SPOUT1: variants seen among roughly 807,000 people sequenced by gnomAD.
SPOUT1 encodes the protein SPOUT domain containing methyltransferase 1.
A neutral mutation model predicts 54.8 loss-of-function variants in SPOUT1; 40 were observed. The observed-to-expected ratio is 0.73, with a 90% CI of 0.57 to 0.95. The LOEUF is 0.95. SPOUT1 is among the 40% of genes least tolerant of loss of function. The pLI, the probability that SPOUT1 is intolerant of heterozygous loss-of-function variation, is 0.00. For synonymous variants in SPOUT1, 193 were observed against 200.3 expected, an observed-to-expected ratio of 0.96 and a Z score of 0.31; for missense variants, 437 against 499.5, an observed-to-expected ratio of 0.87 and a Z score of 1.19.
rs1259499101 is a variant in SPOUT1 at position 128,827,043 on chromosome 9, G to A, written c.357C>T (p.Gly119=). The A allele has an allele frequency of 4.3e-6, 7 of 1,613,818 alleles. No homozygotes were observed. Among genetic ancestry groups the A allele is most frequent in the East Asian group, 2.2e-5 (1 of 44,900 alleles). Residue 119 remains glycine, a synonymous_variant, in exon 4 of 12, where the codon GGC becomes GGT. Transcript: ENST00000361256. The part of the protein sequence containing the change: ...VDEIVVFDEE[G]QDAKTVEGEF... ...GGATGGCCCCTTACTTGGCATCCTG[G>A]CCCTCCTCATCAAACACCACGATCT...
chr9:128,826,149 A>T lies in SPOUT1; in HGVS notation c.512T>A (p.Leu171His). ...PKHQDLQFAGLLNPLDSPHHM... is the reference protein window; with the variant it reads ...PKHQDLQFAGHLNPLDSPHHM... ...GTGGGGGCTGTCCAGGGGGTTCAGG[A>T]GCCCTGTGGAGGCAGAGCCGGGAAG... The change falls in exon 7 of 12, where the codon CTC (leucine) becomes CAC (histidine). Residue 171 changes from leucine (L) to histidine (H), a missense_variant. Physicochemically the swap from Leu to His is moderately conservative, Grantham distance 99. Transcript: ENST00000361256. The surrounding 1 kb of genome is among the most constrained non-coding windows in gnomAD (Gnocchi z 5.5). The T allele has an allele frequency of 6.2e-7, 1 of 1,604,160 alleles. No individual in the cohort carries two copies.
Position 128,826,115 on chromosome 9 carries a change from AC to A in SPOUT1, c.545del (p.Arg182LeufsTer30). ...LNPLDSPHHM[R>X]QDEESEFREG... ...CTCGGAACTCGGATTCCTCATCCTG[AC>A]GCATGTGGTGGGGGCTGTCCAGGGG... On this transcript the variant is annotated frameshift_variant, in exon 7 of 12. Coordinates refer to ENST00000361256, the MANE Select transcript of SPOUT1 (RefSeq NM_016390.4). LOFTEE classifies it high-confidence loss of function. The surrounding 1 kb of genome is among the most constrained non-coding windows in gnomAD (Gnocchi z 5.5). 3 of 1,612,754 alleles carry A rather than the reference AC, an allele frequency of 1.9e-6. No individual in the cohort carries two copies. Among genetic ancestry groups the A allele is most frequent in the Non-Finnish European group, 2.5e-6 (3 of 1,179,296 alleles).
Position 128,820,963 on chromosome 9 carries a change from T to C in SPOUT1, c.*1802A>G, listed in dbSNP as rs376033107. On this transcript the variant is annotated 3_prime_UTR_variant, in exon 12 of 12. Transcript: ENST00000361256. ...GGTCAATACCAGTTCCCTACTCATC[T>C]GGTTTCTTGGCAAGCCTGTCAGCTT... 1.1e-4 allele frequency: 100 copies of C among 916,538 alleles called. 2 individuals are homozygous for C. The East Asian group carries it at 2.3e-3, about 21-fold the overall frequency. 56.8% of individuals were successfully genotyped at this position (916,538 alleles called of 1,614,324 possible).
At position 128,825,023 on chromosome 9, in the gene SPOUT1, C is replaced by T. The variant is rs139689423; in HGVS notation, c.666G>A (p.Glu222=). The change falls in exon 8 of 12, where the codon GAG becomes GAA. Residue 222 remains glutamate, a synonymous_variant. Coordinates refer to ENST00000361256, the MANE Select transcript of SPOUT1 (RefSeq NM_016390.4). ...KKEVKIDKNL[E]PGLRVTVRLN... ...GTCGCACAGTCACCCGAAGCCCGGG[C>T]TCCAGGTTCTTGTCAATCTTCACCT... 228 of 1,577,884 alleles carry T rather than the reference C, an allele frequency of 1.4e-4. No individual in the cohort carries two copies. The Middle Eastern group carries it at 2.1e-3, about 14-fold the overall frequency.
In SPOUT1 at chr9:128,829,736, C is replaced by A. The variant is rs900037101; in HGVS notation, c.36+9G>T. 3 of 1,597,442 alleles carry A rather than the reference C, an allele frequency of 1.9e-6. No homozygotes were observed. Among genetic ancestry groups the A allele is most frequent in the East Asian group, 2.3e-5 (1 of 44,184 alleles). Reference sequence around the variant, plus strand: ...CTGCCCTGCACGGGGTCCCGCCGCCCGCACTTACCGGGCCGCACGGCCGCT... The same window carrying A: ...CTGCCCTGCACGGGGTCCCGCCGCCAGCACTTACCGGGCCGCACGGCCGCT... On this transcript the variant is annotated intron_variant, in intron 1 of 11. Transcript: ENST00000361256.
In SPOUT1 at chr9:128,824,871, T is replaced by C; in HGVS notation, c.713-2A>G. ...CTTTGCCATGGTAGGTCTTGCAGTC[T>C]GGAGGGGTAACAGAGTCTGTAAAGA... is the stretch of plus-strand genomic sequence containing the variant. On this transcript the variant is annotated splice_acceptor_variant, in intron 8 of 11. Coordinates refer to ENST00000361256, the MANE Select transcript of SPOUT1 (RefSeq NM_016390.4). LOFTEE classifies it high-confidence loss of function. 6.2e-7 allele frequency: 1 copy of C among 1,612,642 alleles called. No homozygotes were observed. The highest frequency in any genetic ancestry group is 8.5e-7 in the Non-Finnish European group (1 of 1,178,690).
rs1830115991 is a variant in SPOUT1, at chr9:128,821,415, G to A, written c.*1350C>T. The A allele has an allele frequency of 6.2e-6, 1 of 160,112 alleles. No homozygotes were observed. The highest frequency in any genetic ancestry group is 1.4e-5 in the Non-Finnish European group (1 of 73,662). The allele number at this position is 160,112 out of a possible 1,614,324, so 9.9% of individuals were successfully genotyped here. A position where few individuals can be genotyped will look rare whatever the true frequency, so the allele number is the denominator to read the frequency against. On this transcript the variant is annotated 3_prime_UTR_variant, in exon 12 of 12. Transcript: ENST00000361256. ...CCCATGCAGGTCCCCAGTGCACCGA[G>A]CTCTCATGCCTTCCCCCTGCAGGTC...
At chr9:128,825,129 G>A (rs1830213838) in intron 7 of SPOUT1, 80 bp from the exon 8 acceptor site, 1 of 1,118,664 alleles carries the variant, frequency 8.9e-7, no homozygotes, top group Non-Finnish European at 1.3e-6. Flanking sequence ...GCCACCAGGG[G>A]AGCCCCGGGG....
At chr9:128,823,549 C>T (rs112458376) in intron 11 of SPOUT1, among the ~76,000 whole-genome samples, 198 bp downstream of exon 11, 1,876 of 152,212 alleles carry the variant, frequency 0.012, 38 homozygotes, top group African/African-American at 0.042. Context: ...GAGCACAGGA[C>T]GGGCACTAGC....
Position 128,822,272 on chromosome 9 carries a change from G to A in SPOUT1, c.*493C>T. Reference sequence around the variant, plus strand: ...AGATCAGGGAAGGCTGCCTGGAAGAGGTGGCTTTGGGTTCATCCAGGCCCC... The same window carrying A: ...AGATCAGGGAAGGCTGCCTGGAAGAAGTGGCTTTGGGTTCATCCAGGCCCC... On this transcript the variant is annotated 3_prime_UTR_variant, in exon 12 of 12. Coordinates refer to ENST00000361256, the MANE Select transcript of SPOUT1 (RefSeq NM_016390.4). 6.3e-7 allele frequency: 1 copy of A among 1,578,472 alleles called. No individual in the cohort carries two copies. Among genetic ancestry groups the A allele is most frequent in the East Asian group, 2.2e-5 (1 of 44,494 alleles).
intron 10 of SPOUT1, 67 bp downstream of exon 10, chr9:128,824,005 T>C: frequency 6.3e-7 from 1 of 1,579,204 alleles, no homozygotes; most frequent in Non-Finnish European, 8.7e-7. Flanking sequence ...TCTGTGCAGC[T>C]TCACCCACCA....
Position 128,821,082 on chromosome 9 carries a change from C to G in SPOUT1, c.*1683G>C, listed in dbSNP as rs1369598208. 1.1e-5 allele frequency: 6 copies of G among 564,702 alleles called. No homozygotes were observed. The highest frequency in any genetic ancestry group is 1.9e-5 in the Non-Finnish European group (6 of 315,562). 35.0% of individuals were successfully genotyped at this position (564,702 alleles called of 1,614,324 possible). A position where few individuals can be genotyped will look rare whatever the true frequency, so the allele number is the denominator to read the frequency against. ...CTCTGCCCATGGGCAGCAGCAGGCC[C>G]TGAATCTGCCCCCGCTTCTCCCTGC... On this transcript the variant is annotated 3_prime_UTR_variant, in exon 12 of 12. Transcript: ENST00000361256.
Position 128,826,249 on chromosome 9 carries a change from C to T in SPOUT1, c.509-97G>A, listed in dbSNP as rs2118809528. 7 of 1,539,202 alleles carry T rather than the reference C, an allele frequency of 4.5e-6. No homozygotes were observed. Among genetic ancestry groups the T allele is most frequent in the Non-Finnish European group, 6.2e-6 (7 of 1,121,304 alleles). On this transcript the variant is annotated intron_variant, in intron 6 of 11. Transcript: ENST00000361256. The surrounding 1 kb of genome is among the most constrained non-coding windows in gnomAD (Gnocchi z 5.5). ...GAGTACCGGCTCTGCCACAGACCTG[C>T]GTCTTGGCATCAGACACAGGTCTTG...
In SPOUT1 at chr9:128,824,793, G is replaced by A. The variant is rs767788776; in HGVS notation, c.789C>T (p.Thr263=). 65 of 1,613,512 alleles carry A rather than the reference G, an allele frequency of 4.0e-5. No individual in the cohort carries two copies. The highest frequency in any genetic ancestry group is 6.7e-5 in the African/African-American group (5 of 74,916). Residue 263 remains threonine, a synonymous_variant, in exon 9 of 12, where the codon ACC becomes ACT. Transcript: ENST00000361256. The part of the protein sequence containing the change: ...RTKAGLYWGY[T]VRLASCLSAV... ...TACTGAGGCAGGAAGCCAGTCGGAC[G>A]GTGTAGCCCCAGTAGAGACCAGCTT...
At chr9:128,823,951 C>A (rs533621515) in intron 10 of SPOUT1, 57 bp from the exon 11 acceptor site, 2 of 1,599,996 alleles carry the variant, frequency 1.3e-6, no homozygotes, top group Non-Finnish European at 1.7e-6. Flanking sequence ...CCCAGCACAG[C>A]GCCCAGACCT....
rs1440123814 is a variant in SPOUT1, at chr9:128,824,143, A to G, written c.843T>C (p.Asp281=). The G allele has an allele frequency of 1.2e-6, 2 of 1,613,350 alleles. No individual in the cohort carries two copies. The highest frequency in any genetic ancestry group is 1.7e-6 in the Non-Finnish European group (2 of 1,179,818). ...SAVFAEAPFQ[D]GYDLTIGTSE... ...ACGTCCCGATGGTCAGGTCATACCC[A>G]TCTTGGAAGGGGGCCTCAGCAAACA... Residue 281 remains aspartate (D), a synonymous_variant, in exon 10 of 12, where the codon GAT becomes GAC. Transcript: ENST00000361256.
At chr9:128,823,510 G>A (rs1044366527) in intron 11 of SPOUT1, among the ~76,000 whole-genome samples, 13 of 152,156 alleles carry the variant, frequency 8.5e-5, no homozygotes, top group African/African-American at 2.9e-4. Flanking sequence ...AGCAGGGGTG[G>A]GCAGGGCCCC....
intron 1 of SPOUT1, 74 bp from the exon 2 acceptor site, chr9:128,829,229 C>G (rs1483020912): frequency 2.0e-5 from 25 of 1,245,788 alleles, no homozygotes; most frequent in Non-Finnish European, 3.0e-5. Flanking sequence ...GTTTGCTGCA[C>G]CATAGCCAGC....
intron 3 of SPOUT1, among the ~76,000 whole-genome samples, chr9:128,828,444 A>G (rs1830281684): frequency 6.6e-6 from 1 of 151,344 alleles, no homozygotes; most frequent in African/African-American, 2.4e-5. Context: ...TGCAGTGAGC[A>G]GAGATGGCGC....
Sources: allele counts gnomAD v4.1 joint callset (sites outside exome capture counted in the v4.1 genomes callset), GRCh38; gene constraint gnomAD v4.1.1; non-coding constraint Gnocchi (gnomAD v3.1); transcripts MANE v1.5; gene names NCBI Gene and HGNC (gene_info 2026-07-23, HGNC 2026-07-21).